Variants in VPS13D observed in about 807,000 individuals in gnomAD.
The protein encoded by VPS13D is intermembrane lipid transfer protein VPS13D.
A neutral mutation model predicts 461.9 loss-of-function variants in VPS13D; 187 were observed. That is an observed-to-expected ratio of 0.40 (90% CI 0.36 to 0.46). The LOEUF (loss-of-function observed/expected upper bound fraction) is 0.46, where lower values mean the gene tolerates loss of function less well. VPS13D is among the 20% of genes least tolerant of loss of function. The pLI, the probability that VPS13D is intolerant of heterozygous loss-of-function variation, is 0.60. For synonymous variants in VPS13D, 1,951 were observed against 1,986.3 expected (o/e 0.98, Z 0.47); for missense variants, 4,711 against 5,364.9 (o/e 0.88, Z 3.81).
At chr1:12,369,141 A>G (rs148330048) in intron 53 of VPS13D, among the ~76,000 whole-genome samples, 18 of 152,290 alleles carry the variant, frequency 1.2e-4, no homozygotes, top group African/African-American at 4.1e-4. Context: ...CATTGGAAGG[A>G]TGGAATTGCT....
intron 54 of VPS13D, among the ~76,000 whole-genome samples, chr1:12,372,027 C>T (rs1379189575): frequency 6.6e-6 from 1 of 152,102 alleles, no homozygotes; most frequent in Non-Finnish European, 1.5e-5. Context: ...CACATCCTCA[C>T]CAACATGTGT....
At chr1:12,395,195 C>T (rs1353882422) in intron 60 of VPS13D, among the ~76,000 whole-genome samples, 1 of 152,144 alleles carries the variant, frequency 6.6e-6, no homozygotes, top group Non-Finnish European at 1.5e-5. Flanking sequence ...GGATTCATCT[C>T]CTCAGACAAA....
At chr1:12,300,062 A>G (rs1157623056) in intron 25 of VPS13D, among the ~76,000 whole-genome samples, 1 of 152,152 alleles carries the variant, frequency 6.6e-6, no homozygotes, top group East Asian at 1.9e-4. Flanking sequence ...TTAAACAAGT[A>G]AACGTGTTTC....
At chr1:12,312,208 G>T (rs760265392) in intron 29 of VPS13D, among the ~76,000 whole-genome samples, 5 of 152,218 alleles carry the variant, frequency 3.3e-5, no homozygotes, top group Non-Finnish European at 7.3e-5. Context: ...ACCATTGTGG[G>T]TCTGGGCTGC....
At chr1:12,325,509 T>C (rs112580249) in intron 35 of VPS13D, among the ~76,000 whole-genome samples, 9,825 of 152,182 alleles carry the variant, frequency 0.065, 493 homozygotes, top group Admixed American at 0.13. Flanking sequence ...CCACCTGCCT[T>C]GGCCTCCCAA....
chr1:12,327,711 T>G lies in VPS13D; in HGVS notation c.8054T>G (p.Leu2685Trp), dbSNP rs761449175. The G allele has an allele frequency of 6.2e-7, 1 of 1,614,124 alleles. No individual in the cohort carries two copies. Among genetic ancestry groups the G allele is most frequent in the Non-Finnish European group, 8.5e-7 (1 of 1,179,986 alleles). The change falls in exon 36 of 70, where the codon TTG (leucine) becomes TGG (tryptophan). Residue 2685 changes from leucine (L) to tryptophan (W), a missense_variant. By Grantham distance (61) the Leu-to-Trp change is moderately conservative (BLOSUM62 -2). Transcript: ENST00000620676. ...KNAEPLKSLS[L>W]ASTSRDSPGA... ...GCGGAACCTCTGAAGTCTCTTTCCT[T>G]GGCCTCCACCAGCCGAGATAGCCCA...
intron 15 of VPS13D, among the ~76,000 whole-genome samples, chr1:12,268,282 A>C (rs1213125893): frequency 6.7e-6 from 1 of 149,810 alleles, no homozygotes. Flanking sequence ...ATAATTTAAA[A>C]ATTCTTTTTG....
intron 7 of VPS13D, among the ~76,000 whole-genome samples, chr1:12,254,084 G>C (rs952916480): frequency 6.6e-6 from 1 of 152,178 alleles, no homozygotes; most frequent in Non-Finnish European, 1.5e-5. Context: ...TTTATTCAGT[G>C]AAAGCTATGT....
At position 12,277,374 on chromosome 1, in the gene VPS13D, A is replaced by G. The variant is rs1171992233; in HGVS notation, c.3786A>G (p.Glu1262=). The change falls in exon 19 of 70, where the codon GAA becomes GAG. Residue 1262 remains glutamate, a synonymous_variant. Coordinates refer to ENST00000620676, the MANE Select transcript of VPS13D (RefSeq NM_015378.4). Reference sequence around the variant, plus strand: ...TTGAATCTGTGTTTGTCAGAATGGAAGATGCAGCCCTCACTGAAGCTTTGA... The same window carrying G: ...TTGAATCTGTGTTTGTCAGAATGGAGGATGCAGCCCTCACTGAAGCTTTGA... ...GYFESVFVRM[E]DAALTEALSF... is the part of the protein sequence containing the mutation. 1.2e-6 allele frequency: 2 copies of G among 1,614,222 alleles called. No individual in the cohort carries two copies. Among genetic ancestry groups the G allele is most frequent in the South Asian group, 1.1e-5 (1 of 91,088 alleles).
chr1:12,246,193 T>C (rs1640545846), intron 5 of VPS13D, among the ~76,000 whole-genome samples: 1 of 152,182 alleles, frequency 6.6e-6, no homozygotes, highest in South Asian at 2.1e-4. Context: ...TTAGGCTAAC[T>C]GTGTCCGCTG....
At chr1:12,308,807 A>G (rs1347864994) in intron 27 of VPS13D, among the ~76,000 whole-genome samples, 166 bp downstream of exon 27, 2 of 152,160 alleles carry the variant, frequency 1.3e-5, no homozygotes, top group Non-Finnish European at 1.5e-5. Flanking sequence ...ACATGCTACC[A>G]TGCCCGGCTA....
chr1:12,247,292 C>G lies in VPS13D; in HGVS notation c.448-1931C>G, dbSNP rs372261070. Among the ~76,000 whole-genome samples, 4 of 151,982 alleles carry G rather than the reference C, an allele frequency of 2.6e-5. No individual in the cohort carries two copies. The East Asian group carries it at 5.8e-4, about 22-fold the overall frequency. On this transcript the variant is annotated intron_variant, in intron 5 of 69. Transcript: ENST00000620676. Reference sequence around the variant, plus strand: ...GCTAGACATGGTGGCATGTGCGTGTCGTCCCAGCTACTTGGTGGGGAGGCT... The same window carrying G: ...GCTAGACATGGTGGCATGTGCGTGTGGTCCCAGCTACTTGGTGGGGAGGCT...
chr1:12,400,958 G>GCACACA lies in VPS13D; in HGVS notation c.11784+629_11784+630insACACAC, dbSNP rs752200366. Among the ~76,000 whole-genome samples, 477 of 80,378 alleles carry GCACACA rather than the reference G, an allele frequency of 5.9e-3. 3 individuals are homozygous for GCACACA. The highest frequency in any genetic ancestry group is 0.022 in the East Asian group (74 of 3,438). 52.7% of individuals were successfully genotyped at this position (80,378 alleles called of 152,430 possible). A position where few individuals can be genotyped will look rare whatever the true frequency, so the allele number is the denominator to read the frequency against. ...GATAGAGTGAGATGTGCACCTGCGC[G>GCACACA]CGCGCACACACACACACACACACAC... On this transcript the variant is annotated intron_variant, in intron 61 of 69. Coordinates refer to ENST00000620676, the MANE Select transcript of VPS13D (RefSeq NM_015378.4).
intron 40 of VPS13D, 63 bp downstream of exon 40, chr1:12,338,368 A>G (rs1247682092): frequency 2.6e-6 from 4 of 1,518,820 alleles, no homozygotes; most frequent in East Asian, 4.5e-5. Context: ...CTTGTACATC[A>G]ATTTTTTTTT....
chr1:12,419,199 A>T (rs1644831661), intron 65 of VPS13D, among the ~76,000 whole-genome samples: 1 of 152,132 alleles, frequency 6.6e-6, no homozygotes, highest in African/African-American at 2.4e-5. Flanking sequence ...CATGCTTTGT[A>T]TGTTGCCAGA....
intron 60 of VPS13D, 102 bp from the exon 61 acceptor site, chr1:12,400,079 C>T (rs937318322): frequency 5.4e-5 from 73 of 1,347,222 alleles, no homozygotes; most frequent in Non-Finnish European, 1.0e-5. Flanking sequence ...AGGGTACTTT[C>T]TGAGCAACCT....
At chr1:12,310,809 CTCCCTCCCTCCTTCCCTCCTTCCTTCCT>C (rs1642719465) in intron 27 of VPS13D, among the ~76,000 whole-genome samples, 3 of 126,240 alleles carry the variant, frequency 2.4e-5, no homozygotes, top group African/African-American at 5.9e-5. Context: ...CCCTCCCTCC[CTCCCTCCCTCCTTCCCTCCTTCCTTCCT>C]TCCCTCCTTC....
intron 60 of VPS13D, among the ~76,000 whole-genome samples, chr1:12,393,710 T>C (rs1644458992): frequency 6.6e-6 from 1 of 152,176 alleles, no homozygotes; most frequent in Non-Finnish European, 1.5e-5. Flanking sequence ...TTTTTCTAGG[T>C]AGAGGCAGCT....
intron 67 of VPS13D, among the ~76,000 whole-genome samples, chr1:12,486,602 G>A (rs913075078): frequency 6.6e-6 from 1 of 152,182 alleles, no homozygotes; most frequent in African/African-American, 2.4e-5. Context: ...GTTGCCCTCT[G>A]GGTGAACGTG....
Sources: allele counts gnomAD v4.1 joint callset (sites outside exome capture counted in the v4.1 genomes callset), GRCh38; gene constraint gnomAD v4.1.1; transcripts MANE v1.5; gene names NCBI Gene and HGNC (gene_info 2026-07-23, HGNC 2026-07-21).